Variants in PCDHGA1 observed in about 807,000 individuals in gnomAD.
The protein encoded by PCDHGA1 is protocadherin gamma-A1.
Under a neutral mutation model 58.0 loss-of-function variants are expected in PCDHGA1, and 32 were observed. That is an observed-to-expected ratio of 0.55 (90% CI 0.42 to 0.74). The LOEUF (loss-of-function observed/expected upper bound fraction) is 0.74. Ranked by LOEUF, PCDHGA1 falls within the 30% of genes least tolerant of loss-of-function variation. The pLI, the probability that PCDHGA1 is intolerant of heterozygous loss-of-function variation, is 0.00. For missense variants in PCDHGA1, 1,205 were observed against 1,182.3 expected (o/e 1.02, Z -0.28); for synonymous variants, 498 against 501.1 (o/e 0.99, Z 0.08).
chr5:141,404,124 C>A, intron 1 of PCDHGA1: 1 of 1,613,272 alleles, frequency 6.2e-7, no homozygotes, highest in Non-Finnish European at 8.5e-7. Context: ...GAGAATCTAT[C>A]TTTTACATTA....
intron 1 of PCDHGA1, chr5:141,423,661 G>A: frequency 1.3e-6 from 2 of 1,555,760 alleles, no homozygotes; most frequent in Non-Finnish European, 1.7e-6. Flanking sequence ...AAGTAATCAG[G>A]TGAGATTTAT....
Position 141,332,108 on chromosome 5 carries a change from G to A in PCDHGA1, c.1424G>A (p.Arg475Lys), listed in dbSNP as rs770512235. 6.2e-7 allele frequency: 1 copy of A among 1,614,124 alleles called. No homozygotes were observed. Among genetic ancestry groups the A allele is most frequent in the Non-Finnish European group, 8.5e-7 (1 of 1,180,028 alleles). ...NPRGASIFSV[R>K]AHDLDSNENA... ...AGAGGAGCCTCCATCTTCTCTGTGAGGGCCCACGACTTGGACAGCAATGAG... is the reference window on the plus strand; with the variant it reads ...AGAGGAGCCTCCATCTTCTCTGTGAAGGCCCACGACTTGGACAGCAATGAG... The change falls in exon 1 of 4, where the codon AGG (arginine) becomes AAG (lysine). Residue 475 changes from arginine (R) to lysine (K), a missense_variant. Coordinates refer to ENST00000517417, the MANE Select transcript of PCDHGA1 (RefSeq NM_018912.3). This position sits in a 1 kb window ranked among gnomAD's most constrained non-coding sequence, Gnocchi z 4.6.
chr5:141,371,752 AC>A (rs1278414887), intron 1 of PCDHGA1: 1 of 1,613,888 alleles, frequency 6.2e-7, no homozygotes, highest in Non-Finnish European at 8.5e-7. Flanking sequence ...CCCGTTTTCC[AC>A]CAGGCCTCCT....
chr5:141,422,568 C>T (rs372115955), intron 1 of PCDHGA1: 91 of 1,613,904 alleles, frequency 5.6e-5, no homozygotes, highest in Non-Finnish European at 7.5e-5. Flanking sequence ...CAGATGACAA[C>T]GATAACCCTC....
At chr5:141,350,425 T>C (rs759895057) in intron 1 of PCDHGA1, 207 of 1,607,986 alleles carry the variant, frequency 1.3e-4, no homozygotes, top group Non-Finnish European at 1.6e-4. Context: ...TGGGGCTCAG[T>C]GTCCGGGAGT....
chr5:141,497,740 C>T (rs954595046), intron 2 of PCDHGA1, among the ~76,000 whole-genome samples: 1 of 152,054 alleles, frequency 6.6e-6, no homozygotes, highest in South Asian at 2.1e-4. Context: ...GGTTTCGCCA[C>T]GTTGGCCAGG....
intron 1 of PCDHGA1, chr5:141,418,394 T>C: frequency 6.2e-7 from 1 of 1,614,020 alleles, no homozygotes; most frequent in Non-Finnish European, 8.5e-7. Flanking sequence ...CGAGTATTTC[T>C]CATTGGTGGA....
intron 1 of PCDHGA1, among the ~76,000 whole-genome samples, chr5:141,467,789 G>A (rs1264350552): frequency 6.6e-6 from 1 of 152,066 alleles, no homozygotes; most frequent in Non-Finnish European, 1.5e-5. Context: ...CTCTCAAGTA[G>A]CTGGGACTAC....
chr5:141,476,733 G>C lies in PCDHGA1; in HGVS notation c.2422-18074G>C, dbSNP rs373439335. On this transcript the variant is annotated intron_variant, in intron 1 of 3. Transcript: ENST00000517417. This position sits in a 1 kb window ranked among gnomAD's most constrained non-coding sequence, Gnocchi z 7.6. ...TTGGAGCGCGCCCTGGACCGAGAAC[G>C]GGAGCCTAGTCTCCAGTTAGTGCTG... 6.2e-6 allele frequency: 10 copies of C among 1,614,062 alleles called. No individual in the cohort carries two copies. The highest frequency in any genetic ancestry group is 2.2e-5 in the East Asian group (1 of 44,870).
At chr5:141,444,725 T>C (rs1178418239) in intron 1 of PCDHGA1, among the ~76,000 whole-genome samples, 1 of 152,370 alleles carries the variant, frequency 6.6e-6, no homozygotes, top group East Asian at 1.9e-4. Flanking sequence ...TTGGTGCCTT[T>C]GTTGAAAGTC....
In PCDHGA1 at chr5:141,489,459, C is replaced by A; in HGVS notation, c.2422-5348C>A. ...AATTGGGCTCTGAGGAGAATGGGCG[C>A]TATTTTTCCCTGAGCTTGATGAGTG... On this transcript the variant is annotated intron_variant, in intron 1 of 3. Transcript: ENST00000517417. The surrounding 1 kb of genome is among the most constrained non-coding windows in gnomAD (Gnocchi z 4.5). 1 of 1,614,086 alleles carries A rather than the reference C, an allele frequency of 6.2e-7. No individual in the cohort carries two copies. The highest frequency in any genetic ancestry group is 8.5e-7 in the Non-Finnish European group (1 of 1,180,012).
chr5:141,423,805 G>GT (rs1384575574), intron 1 of PCDHGA1: 44 of 1,261,806 alleles, frequency 3.5e-5, no homozygotes, highest in South Asian at 8.9e-5. Context: ...AGCAATACAT[G>GT]TGAGTTTTAC....
Position 141,333,049 on chromosome 5 carries a change from G to C in PCDHGA1, c.2365G>C (p.Gly789Arg), listed in dbSNP as rs143810163. 3.7e-6 allele frequency: 6 copies of C among 1,614,022 alleles called. No homozygotes were observed. The highest frequency in any genetic ancestry group is 1.1e-5 in the South Asian group (1 of 91,080). The part of the protein sequence containing the change: ...LISQESCEKK[G>R]FLSAPQSLLE... ...CAGCCAGGAGAGCTGTGAGAAAAAGGGTTTTCTATCAGCACCCCAGTCTTT... is the reference window on the plus strand; with the variant it reads ...CAGCCAGGAGAGCTGTGAGAAAAAGCGTTTTCTATCAGCACCCCAGTCTTT... The change falls in exon 1 of 4, where the codon GGT becomes CGT. Residue 789 changes from glycine (G) to arginine (R), a missense_variant. Transcript: ENST00000517417.
At position 141,398,657 on chromosome 5, in the gene PCDHGA1, G is replaced by A. The variant is rs776950213; in HGVS notation, c.2421+65552G>A. 3.1e-6 allele frequency: 5 copies of A among 1,614,018 alleles called. No individual in the cohort carries two copies. In the South Asian group the frequency reaches 5.5e-5, roughly 18 times the overall value. On this transcript the variant is annotated intron_variant, in intron 1 of 3. Transcript: ENST00000517417. ...AAGTATAAACTCTCTCTTAACCCAA[G>A]TTTCTCATTAATAATTAAGGAGAAA...
rs765743251 is a variant in PCDHGA1 at position 141,476,488 on chromosome 5, G to A, written c.2422-18319G>A. ...TGGAGCTGTTCAGCGTGGAAGTGGTGATCCAGGACATCAACGACAACAATC... is the reference window on the plus strand; with the variant it reads ...TGGAGCTGTTCAGCGTGGAAGTGGTAATCCAGGACATCAACGACAACAATC... On this transcript the variant is annotated intron_variant, in intron 1 of 3. Coordinates refer to ENST00000517417, the MANE Select transcript of PCDHGA1 (RefSeq NM_018912.3). This position sits in a 1 kb window ranked among gnomAD's most constrained non-coding sequence, Gnocchi z 7.6. 4 of 1,613,932 alleles carry A rather than the reference G, an allele frequency of 2.5e-6. No homozygotes were observed. Among genetic ancestry groups the A allele is most frequent in the Non-Finnish European group, 3.4e-6 (4 of 1,180,016 alleles).
intron 1 of PCDHGA1, chr5:141,356,189 G>A (rs1760147177): frequency 1.2e-6 from 2 of 1,610,782 alleles, no homozygotes; most frequent in South Asian, 1.1e-5. Flanking sequence ...CTCCGAGCTA[G>A]AAGCAAGGTA....
At position 141,400,328 on chromosome 5, in the gene PCDHGA1, T is replaced by A. The variant is rs754904671; in HGVS notation, c.2421+67223T>A. ...GGTCTCTGTGTCAAGTCTGGACCTG[T>A]GGTTCCCCCCAACTACAGTCAGGGG... On this transcript the variant is annotated intron_variant, in intron 1 of 3. Coordinates refer to ENST00000517417, the MANE Select transcript of PCDHGA1 (RefSeq NM_018912.3). 80 of 1,613,976 alleles carry A rather than the reference T, an allele frequency of 5.0e-5. No homozygotes were observed. Among genetic ancestry groups the A allele is most frequent in the Non-Finnish European group, 6.4e-5 (76 of 1,179,916 alleles).
At position 141,431,510 on chromosome 5, in the gene PCDHGA1, G is replaced by T; in HGVS notation, c.2422-63297G>T. On this transcript the variant is annotated intron_variant, in intron 1 of 3. Transcript: ENST00000517417. The surrounding 1 kb of genome is among the most constrained non-coding windows in gnomAD (Gnocchi z 4.8). ...TGCTCAGCCCGAGTACCGCGCGAGC[G>T]TTCCGGAGAATCTGGCCTTGGGCAC... 1 of 1,614,022 alleles carries T rather than the reference G, an allele frequency of 6.2e-7. No individual in the cohort carries two copies. Among genetic ancestry groups the T allele is most frequent in the Non-Finnish European group, 8.5e-7 (1 of 1,180,026 alleles).
chr5:141,431,239 G>A lies in PCDHGA1; in HGVS notation c.2422-63568G>A. 6.2e-7 allele frequency: 1 copy of A among 1,614,152 alleles called. No homozygotes were observed. The highest frequency in any genetic ancestry group is 1.3e-5 in the African/African-American group (1 of 75,062). On this transcript the variant is annotated intron_variant, in intron 1 of 3. Transcript: ENST00000517417. This position sits in a 1 kb window ranked among gnomAD's most constrained non-coding sequence, Gnocchi z 4.8. ...TCCCTCTACCCCACGCCTGGGATCC[G>A]GATATCGGGAAGAACTCTCTGCAGA...
Sources: allele counts gnomAD v4.1 joint callset (sites outside exome capture counted in the v4.1 genomes callset), GRCh38; gene constraint gnomAD v4.1.1; non-coding constraint Gnocchi (gnomAD v3.1); transcripts MANE v1.5; gene names NCBI Gene and HGNC (gene_info 2026-07-23, HGNC 2026-07-21).